Variants in CCDC191 observed in about 807,000 individuals in gnomAD.
CCDC191 encodes coiled-coil domain containing 191, also known as coiled-coil domain-containing protein 191.
CCDC191 carries 99 observed loss-of-function variants against 114.0 expected under a neutral mutation model. That is an observed-to-expected ratio of 0.87 (90% CI 0.74 to 1.03). The LOEUF (loss-of-function observed/expected upper bound fraction) is 1.03, where lower values mean the gene tolerates loss of function less well. CCDC191 is among the 50% of genes least tolerant of loss of function. CCDC191 has a pLI of 0.00. For missense variants in CCDC191, 973 were observed against 1,087.0 expected, an observed-to-expected ratio of 0.90 and a Z score of 1.47; for synonymous variants, 351 against 376.0, an observed-to-expected ratio of 0.93 and a Z score of 0.77.
chr3:114,028,452 A>AT (rs2076356952), intron 7 of CCDC191, among the ~76,000 whole-genome samples: 1 of 151,598 alleles, frequency 6.6e-6, no homozygotes, highest in Non-Finnish European at 1.5e-5. Context: ...TGCCTGGCTA[A>AT]TTTTTTGTAT....
At chr3:114,020,554 T>C (rs1026317643) in intron 7 of CCDC191, among the ~76,000 whole-genome samples, 4 of 152,120 alleles carry the variant, frequency 2.6e-5, no homozygotes, top group Non-Finnish European at 4.4e-5. Flanking sequence ...ATTTGCTGAA[T>C]ACTGGATACT....
intron 15 of CCDC191, chr3:113,978,600 G>A: frequency 1.7e-6 from 1 of 579,136 alleles, no homozygotes; most frequent in South Asian, 2.5e-5. Context: ...AACAAGAAAT[G>A]ACTATAAAAA....
chr3:114,055,291 G>C (rs1443757891), intron 1 of CCDC191, among the ~76,000 whole-genome samples: 1 of 152,158 alleles, frequency 6.6e-6, no homozygotes, highest in Non-Finnish European at 1.5e-5. Context: ...TCCTTTTGGA[G>C]TCCTAAGAAA....
In CCDC191 at chr3:113,988,816, CAG is replaced by C. The variant is rs564182568; in HGVS notation, c.2164-8025_2164-8024del. Among the ~76,000 whole-genome samples the C allele has an allele frequency of 5.2e-3, 783 of 150,990 alleles. 8 individuals carry two copies. Among genetic ancestry groups the C allele is most frequent in the African/African-American group, 0.017 (706 of 41,102 alleles). On this transcript the variant is annotated intron_variant, in intron 13 of 16. Transcript: ENST00000295878. ...ATATGTAAGTCTTTTTTTTTTGAGACAGAGTCTCGCTCTGTCACCGAGGCTGG... is the reference window on the plus strand; with the variant it reads ...ATATGTAAGTCTTTTTTTTTTGAGACAGTCTCGCTCTGTCACCGAGGCTGG...
At chr3:114,001,472 G>T in intron 13 of CCDC191, 123 bp downstream of exon 13, 1 of 1,329,666 alleles carries the variant, frequency 7.5e-7, no homozygotes, top group East Asian at 2.4e-5. Flanking sequence ...ATAGAGAAAA[G>T]AAGTGAGGGT....
intron 4 of CCDC191, among the ~76,000 whole-genome samples, chr3:114,037,985 T>C (rs190372907): frequency 4.6e-4 from 70 of 152,280 alleles, no homozygotes; most frequent in Admixed American, 2.9e-3. Context: ...AGTGGAACGA[T>C]TGGATCATAT....
chr3:114,003,256 G>A (rs2075887752), intron 11 of CCDC191: 1 of 985,288 alleles, frequency 1.0e-6, no homozygotes, highest in Non-Finnish European at 1.2e-6. Flanking sequence ...GAGGGGCATG[G>A]ATGGGAGGAG....
chr3:113,985,594 C>T (rs953120186), intron 13 of CCDC191, among the ~76,000 whole-genome samples: 4 of 152,140 alleles, frequency 2.6e-5, no homozygotes, highest in Admixed American at 1.3e-4. Flanking sequence ...TGCTCCCCAT[C>T]GTCCACACCC....
chr3:114,008,159 A>G (rs998159808), intron 9 of CCDC191, among the ~76,000 whole-genome samples: 2 of 148,322 alleles, frequency 1.3e-5, no homozygotes, highest in African/African-American at 4.9e-5. Flanking sequence ...TTGCACAGGT[A>G]AAAAATACTT....
intron 11 of CCDC191, chr3:114,003,116 C>T (rs2075885009): frequency 2.0e-6 from 2 of 985,386 alleles, no homozygotes; most frequent in South Asian, 9.4e-5. Flanking sequence ...ATTTGGAGAA[C>T]TGGCATCTGA....
At position 113,978,293 on chromosome 3, in the gene CCDC191, A is replaced by C; in HGVS notation, c.2499T>G (p.Cys833Trp). 6.2e-7 allele frequency: 1 copy of C among 1,613,990 alleles called. No individual in the cohort carries two copies. Among genetic ancestry groups the C allele is most frequent in the Non-Finnish European group, 8.5e-7 (1 of 1,179,916 alleles). The change falls in exon 16 of 17, where the codon TGT becomes TGG. Residue 833 changes from cysteine (C) to tryptophan (W), a missense_variant. Physicochemically the swap from Cys to Trp is radical, Grantham distance 215 (BLOSUM62 -2). Transcript: ENST00000295878. ...AAATCTTCTTTTGAAGAAAATGTACACAAAATTTTCTTACTTCTTCCTGCA... is the reference window on the plus strand; with the variant it reads ...AAATCTTCTTTTGAAGAAAATGTACCCAAAATTTTCTTACTTCTTCCTGCA... ...IDLQEEVRKF[C>W]VHFLQKKIFR... is the part of the protein sequence containing the mutation.
chr3:114,046,292 C>A (rs1274691663), intron 3 of CCDC191, among the ~76,000 whole-genome samples: 3 of 152,218 alleles, frequency 2.0e-5, no homozygotes, highest in Admixed American at 1.3e-4. Flanking sequence ...TGTATAATAT[C>A]TGATCAAATT....
intron 2 of CCDC191, among the ~76,000 whole-genome samples, chr3:114,048,152 C>A (rs1458630302): frequency 6.6e-6 from 1 of 152,150 alleles, no homozygotes; most frequent in African/African-American, 2.4e-5. Flanking sequence ...TCTCACCCCA[C>A]ATATAATTGA....
At chr3:113,997,092 AT>A (rs1043053142) in intron 13 of CCDC191, among the ~76,000 whole-genome samples, 1 of 152,074 alleles carries the variant, frequency 6.6e-6, no homozygotes, top group African/African-American at 2.4e-5. Context: ...GTATTTGGTA[AT>A]TTTTTTCTCG....
At chr3:114,018,072 T>C (rs2076188602) in intron 8 of CCDC191, among the ~76,000 whole-genome samples, 1 of 152,080 alleles carries the variant, frequency 6.6e-6, no homozygotes, top group Non-Finnish European at 1.5e-5. Context: ...CTAAATAAGG[T>C]GTGGAACAAA....
chr3:114,041,284 T>TA (rs1046723558), intron 4 of CCDC191, among the ~76,000 whole-genome samples: 14 of 152,248 alleles, frequency 9.2e-5, no homozygotes, highest in Middle Eastern at 3.4e-3. Flanking sequence ...CCATGTGGTA[T>TA]AAAAAAATTG....
intron 13 of CCDC191, among the ~76,000 whole-genome samples, chr3:113,985,152 A>G (rs1405569206): frequency 6.6e-6 from 1 of 152,216 alleles, no homozygotes; most frequent in Non-Finnish European, 1.5e-5. Flanking sequence ...GGCTTTTCTT[A>G]TAAGAACGCT....
rs545120513 is a variant in CCDC191, at chr3:114,034,747, C to A, written c.818+178G>T. On this transcript the variant is annotated intron_variant, in intron 6 of 16. Transcript: ENST00000295878. ...TTGTATAATTAAGTATGGAAAGGGA[C>A]CACGTCAGGAGGAACATGGAAATAT... Among the ~76,000 whole-genome samples the A allele has an allele frequency of 4.6e-5, 7 of 152,082 alleles. No individual in the cohort carries two copies. The South Asian group carries it at 1.5e-3, about 32-fold the overall frequency.
intron 3 of CCDC191, among the ~76,000 whole-genome samples, chr3:114,043,560 A>T (rs981545633): frequency 6.6e-6 from 1 of 152,206 alleles, no homozygotes; most frequent in Non-Finnish European, 1.5e-5. Flanking sequence ...AATAGTCCTG[A>T]GGCTGAAATT....
Sources: gnomAD v4.1 joint callset for allele counts (sites outside exome capture counted in the v4.1 genomes callset) on GRCh38, gnomAD v4.1.1 for gene constraint, MANE v1.5 for transcripts, NCBI Gene and HGNC (gene_info 2026-07-23, HGNC 2026-07-21) for gene names.